Variants in TRUB1 observed in about 807,000 individuals in gnomAD.
TRUB1 encodes pseudouridylate synthase TRUB1.
Under a neutral mutation model 33.9 loss-of-function variants are expected in TRUB1, and 23 were observed. The ratio of observed to expected loss-of-function variants is 0.68; its 90% CI spans 0.49 to 0.96. TRUB1 has a LOEUF of 0.96. Ranked by LOEUF, TRUB1 falls within the 40% of genes least tolerant of loss-of-function variation. TRUB1 has a pLI of 0.00. For synonymous variants in TRUB1, 163 were observed against 165.4 expected (o/e 0.99, Z 0.11); for missense variants, 378 against 422.2 (o/e 0.90, Z 0.92).
intron 3 of TRUB1, among the ~76,000 whole-genome samples, chr10:114,952,174 C>A (rs1164983943): frequency 6.6e-6 from 1 of 152,184 alleles, no homozygotes; most frequent in East Asian, 1.9e-4. Flanking sequence ...CGTGGTGTCT[C>A]ATGCCTGTAA....
intron 2 of TRUB1, 106 bp from the exon 3 acceptor site, chr10:114,950,988 C>A: frequency 1.1e-6 from 1 of 886,132 alleles, no homozygotes; most frequent in Non-Finnish European, 1.8e-6. Flanking sequence ...TGTTCTTTCC[C>A]ACTTCACATT....
rs762386127 is a variant in TRUB1 at position 114,975,406 on chromosome 10, C to G, written c.*27C>G. On this transcript the variant is annotated 3_prime_UTR_variant, in exon 8 of 8. Coordinates refer to ENST00000298746, the MANE Select transcript of TRUB1 (RefSeq NM_139169.5). ...ATTGGCCTGGGAATATCATCATTTT[C>G]TAGTTGACATTTGAATCCTGTGTGC... 5 of 1,508,918 alleles carry G rather than the reference C, an allele frequency of 3.3e-6. No individual in the cohort carries two copies. The Admixed American group carries it at 1.1e-4, about 33-fold the overall frequency. The allele number at this position is 1,508,918 out of a possible 1,614,324, so 93.5% of individuals were successfully genotyped here. A position where few individuals can be genotyped will look rare whatever the true frequency, so the allele number is the denominator to read the frequency against.
chr10:114,939,339 T>C (rs2084174553), intron 1 of TRUB1, among the ~76,000 whole-genome samples: 1 of 152,228 alleles, frequency 6.6e-6, no homozygotes, highest in African/African-American at 2.4e-5. Context: ...TGCTAGCCTA[T>C]AGAGACTTGA....
rs746295967 is a variant in TRUB1 at position 114,975,345 on chromosome 10, CAAAG to C, written c.1018_1021del (p.Lys340GlufsTer5). 6.3e-7 allele frequency: 1 copy of C among 1,595,892 alleles called. No individual in the cohort carries two copies. The highest frequency in any genetic ancestry group is 8.5e-7 in the Non-Finnish European group (1 of 1,170,142). On this transcript the variant is annotated frameshift_variant, in exon 8 of 8. Transcript: ENST00000298746. LOFTEE classifies it high-confidence loss of function. Reference sequence around the variant, plus strand: ...TGTGAATATATAACTCTAAATGAGCCAAAGAGAGAAGATGATGTAATTAAGACGT... The same window carrying C: ...TGTGAATATATAACTCTAAATGAGCCAGAGAAGATGATGTAATTAAGACGT...
chr10:114,972,475 C>T (rs556072695), intron 6 of TRUB1, among the ~76,000 whole-genome samples: 25 of 152,192 alleles, frequency 1.6e-4, no homozygotes, highest in African/African-American at 4.8e-4. Flanking sequence ...TTCAGAAATG[C>T]GTTTCTAACT....
intron 3 of TRUB1, among the ~76,000 whole-genome samples, chr10:114,955,199 A>C (rs1299133671): frequency 6.6e-6 from 1 of 152,184 alleles, no homozygotes; most frequent in Admixed American, 6.5e-5. Flanking sequence ...TAAGTATAAA[A>C]CGTTGCTTAC....
At chr10:114,961,641 G>T (rs1437817445) in intron 4 of TRUB1, among the ~76,000 whole-genome samples, 2 of 152,170 alleles carry the variant, frequency 1.3e-5, no homozygotes, top group African/African-American at 2.4e-5. Flanking sequence ...CGTTTTTCAG[G>T]CTGTGAAGAG....
At chr10:114,962,634 G>A (rs1384275439) in intron 4 of TRUB1, among the ~76,000 whole-genome samples, 2 of 152,216 alleles carry the variant, frequency 1.3e-5, no homozygotes, top group African/African-American at 4.8e-5. Flanking sequence ...GCTGCCTTCA[G>A]TGGGTGGAGA....
chr10:114,949,409 A>C (rs780181845), intron 2 of TRUB1, among the ~76,000 whole-genome samples: 1 of 152,138 alleles, frequency 6.6e-6, no homozygotes, highest in Non-Finnish European at 1.5e-5. Context: ...ACTGTTTTTG[A>C]TCTTAGACCT....
chr10:114,939,521 G>A (rs1295344088), intron 1 of TRUB1, among the ~76,000 whole-genome samples: 1 of 152,110 alleles, frequency 6.6e-6, no homozygotes, highest in Non-Finnish European at 1.5e-5. Flanking sequence ...AGTGTCCCAT[G>A]GAAAACTTTA....
intron 1 of TRUB1, 62 bp downstream of exon 1, chr10:114,938,601 G>C: frequency 6.9e-7 from 1 of 1,457,384 alleles, no homozygotes; most frequent in African/African-American, 1.4e-5. Flanking sequence ...AGCACATTAG[G>C]CTTTTTGCGA....
intron 5 of TRUB1, among the ~76,000 whole-genome samples, chr10:114,971,624 TTTG>T (rs1434581594): frequency 3.3e-5 from 5 of 152,336 alleles, no homozygotes; most frequent in African/African-American, 4.8e-5. Context: ...TTGCAAGGAT[TTTG>T]TTTTCTAGTA....
At chr10:114,954,184 G>T (rs1303350095) in intron 3 of TRUB1, among the ~76,000 whole-genome samples, 1 of 152,034 alleles carries the variant, frequency 6.6e-6, no homozygotes, top group African/African-American at 2.4e-5. Context: ...AGAAAAATTA[G>T]ACTTCTGGTA....
intron 1 of TRUB1, among the ~76,000 whole-genome samples, chr10:114,942,099 A>C (rs2084190140): frequency 1.3e-5 from 2 of 152,022 alleles, no homozygotes; most frequent in Admixed American, 6.6e-5. Flanking sequence ...TCGCTTCTTT[A>C]ATGAATTGAA....
In TRUB1 at chr10:114,975,123, A is replaced by T. The variant is rs749433095; in HGVS notation, c.794A>T (p.Glu265Val). 1 of 1,605,006 alleles carries T rather than the reference A, an allele frequency of 6.2e-7. No homozygotes were observed. The highest frequency in any genetic ancestry group is 1.7e-5 in the Admixed American group (1 of 58,076). The change falls in exon 8 of 8, where the codon GAA (glutamate) becomes GTA (valine). Residue 265 changes from glutamate (E) to valine (V), a missense_variant and splice_region_variant. Coordinates refer to ENST00000298746, the MANE Select transcript of TRUB1 (RefSeq NM_139169.5). ...IRSLVSDIGK[E>V]LSSCANVLEL... The stretch of plus-strand genomic sequence containing the variant: ...TTTTTTCTACCTTTTGTTGCCATAG[A>T]ACTATCTTCCTGTGCCAATGTGCTA...
intron 3 of TRUB1, among the ~76,000 whole-genome samples, chr10:114,957,385 G>A (rs1417692801): frequency 1.3e-5 from 2 of 152,198 alleles, no homozygotes; most frequent in African/African-American, 4.8e-5. Context: ...CTGTTACACT[G>A]TAACCTCTTA....
chr10:114,967,208 C>G (rs1401737502), intron 4 of TRUB1, among the ~76,000 whole-genome samples: 1 of 152,106 alleles, frequency 6.6e-6, no homozygotes, highest in Non-Finnish European at 1.5e-5. Flanking sequence ...TTGACGTTCC[C>G]CTCTCTGTCC....
intron 4 of TRUB1, among the ~76,000 whole-genome samples, chr10:114,966,372 G>A (rs2084309226): frequency 6.6e-6 from 1 of 152,156 alleles, no homozygotes; most frequent in Non-Finnish European, 1.5e-5. Context: ...GTACCACACT[G>A]TCTTGATTAT....
In TRUB1 at chr10:114,938,345, TGGCTGCGACCCCGTCAGCAAG is replaced by T. The variant is rs764286114; in HGVS notation, c.99_119del (p.Thr34_Ala40del). 29 of 1,605,646 alleles carry T rather than the reference TGGCTGCGACCCCGTCAGCAAG, an allele frequency of 1.8e-5. No individual in the cohort carries two copies. The highest frequency in any genetic ancestry group is 6.7e-5 in the East Asian group (3 of 44,522). ...GAAACTGCAGGAACGGTCGCAGCAATGGCTGCGACCCCGTCAGCAAGGGCTGCAGCCGCGGTGGTTGCGGCC... is the reference window on the plus strand; with the variant it reads ...GAAACTGCAGGAACGGTCGCAGCAATGGCTGCAGCCGCGGTGGTTGCGGCC... On this transcript the variant is annotated inframe_deletion, in exon 1 of 8. Coordinates refer to ENST00000298746, the MANE Select transcript of TRUB1 (RefSeq NM_139169.5).
Sources: allele counts gnomAD v4.1 joint callset (sites outside exome capture counted in the v4.1 genomes callset), GRCh38; gene constraint gnomAD v4.1.1; transcripts MANE v1.5; gene names NCBI Gene and HGNC (gene_info 2026-07-23, HGNC 2026-07-21).